Variants in FAM13B observed in about 807,000 individuals in gnomAD.
FAM13B encodes the protein protein FAM13B.
Under a neutral mutation model 117.3 loss-of-function variants are expected in FAM13B, and 60 were observed. The ratio of observed to expected loss-of-function variants is 0.51; its 90% CI spans 0.42 to 0.63. FAM13B has a LOEUF of 0.63. Among genes scored for constraint, FAM13B ranks in the 30% least tolerant of loss-of-function variants. The pLI, the probability that FAM13B is intolerant of heterozygous loss-of-function variation, is 0.00. For missense variants in FAM13B, 972 were observed against 1,091.9 expected (o/e 0.89, Z 1.55); for synonymous variants, 332 against 356.1 (o/e 0.93, Z 0.76).
chr5:137,962,810 A>G (rs575651359), intron 10 of FAM13B, among the ~76,000 whole-genome samples: 1 of 152,128 alleles, frequency 6.6e-6, no homozygotes, highest in African/African-American at 2.4e-5. Context: ...CCTCAGCTAC[A>G]AAGATACAAG....
Position 137,959,679 on chromosome 5 carries a change from C to T in FAM13B, c.1378G>A (p.Ala460Thr). The T allele has an allele frequency of 1.2e-6, 2 of 1,614,004 alleles. No homozygotes were observed. Among genetic ancestry groups the T allele is most frequent in the Non-Finnish European group, 1.7e-6 (2 of 1,179,886 alleles). The change falls in exon 13 of 24, where the codon GCA (alanine) becomes ACA (threonine). Residue 460 changes from alanine to threonine, a missense_variant. Coordinates refer to ENST00000689681, the MANE Select transcript of FAM13B (RefSeq NM_001385994.1). ...GGQSVGVQGE[A>T]ACVSIPHLDL... The stretch of plus-strand genomic sequence containing the variant: ...AAATGTGGAATACTGACACACGCTG[C>T]TTCCCCTTGAACACCAACACTCTGA...
intron 15 of FAM13B, among the ~76,000 whole-genome samples, 192 bp downstream of exon 15, chr5:137,953,974 C>T (rs1007074375): frequency 6.6e-6 from 1 of 150,928 alleles, no homozygotes; most frequent in Non-Finnish European, 1.5e-5. Flanking sequence ...CCAAAACTTA[C>T]AAAAATGTGC....
chr5:137,980,104 C>T (rs562123440), intron 10 of FAM13B, among the ~76,000 whole-genome samples: 39 of 148,608 alleles, frequency 2.6e-4, no homozygotes, highest in African/African-American at 8.2e-4. Context: ...ACCTAGGAGA[C>T]GGAGGTTGCA....
At chr5:138,011,678 A>AT in intron 5 of FAM13B, 90 bp downstream of exon 5, 7 of 884,458 alleles carry the variant, frequency 7.9e-6, no homozygotes, top group Non-Finnish European at 3.4e-6. Flanking sequence ...TCAGCCTCCC[A>AT]AAGTGCTGGG....
chr5:138,017,161 C>T (rs1468265768), intron 4 of FAM13B, among the ~76,000 whole-genome samples: 2 of 152,110 alleles, frequency 1.3e-5, no homozygotes, highest in African/African-American at 4.8e-5. Context: ...ATCAGGTTAC[C>T]CCTTCCTGAA....
chr5:138,031,029 T>C (rs1271318164), intron 1 of FAM13B, among the ~76,000 whole-genome samples: 2 of 150,348 alleles, frequency 1.3e-5, no homozygotes, highest in African/African-American at 2.4e-5. Context: ...ATGCCCTGTC[T>C]CAAAAAAAAA....
chr5:138,048,667 C>G (rs1372553387), intron 1 of FAM13B, among the ~76,000 whole-genome samples: 2 of 152,122 alleles, frequency 1.3e-5, no homozygotes, highest in Non-Finnish European at 2.9e-5. Flanking sequence ...GCTGGCCGAC[C>G]CCTAGGACCT....
upstream of FAM13B, among the ~76,000 whole-genome samples, chr5:138,034,537 A>C (rs961819217): frequency 2.0e-5 from 3 of 152,244 alleles, no homozygotes; most frequent in African/African-American, 7.2e-5. Flanking sequence ...CTAGCTGTAC[A>C]GTTTTTGTCA....
chr5:138,000,751 T>C (rs1781021158), intron 7 of FAM13B, among the ~76,000 whole-genome samples: 1 of 151,948 alleles, frequency 6.6e-6, no homozygotes, highest in Non-Finnish European at 1.5e-5. Flanking sequence ...GCCAACATGG[T>C]GAAACCCCAT....
chr5:137,946,603 T>A (rs1763518368), intron 18 of FAM13B, among the ~76,000 whole-genome samples: 1 of 152,208 alleles, frequency 6.6e-6, no homozygotes, highest in East Asian at 1.9e-4. Flanking sequence ...CCTCTTTGTA[T>A]TCAACATCCT....
intron 7 of FAM13B, among the ~76,000 whole-genome samples, chr5:138,004,586 A>G (rs551181698): frequency 1.1e-4 from 16 of 152,336 alleles, no homozygotes; most frequent in Non-Finnish European, 2.4e-4. Flanking sequence ...AGGAATTTTA[A>G]AATTTTATTT....
chr5:138,043,620 A>T (rs1791560407), intron 1 of FAM13B, among the ~76,000 whole-genome samples: 1 of 151,674 alleles, frequency 6.6e-6, no homozygotes, highest in South Asian at 2.1e-4. Flanking sequence ...TTTGTATTTT[A>T]GTAGAGACAG....
intron 10 of FAM13B, among the ~76,000 whole-genome samples, chr5:137,966,488 T>TATATATATATATAGAGAGAG (rs1461425784): frequency 3.4e-5 from 1 of 29,470 alleles, no homozygotes; most frequent in African/African-American, 1.3e-4. Flanking sequence ...TATATATATA[T>TATATATATATATAGAGAGAG]AGAGAGAGAG....
chr5:137,939,866 GAAAC>G lies in FAM13B; in HGVS notation c.*355_*358del. 1 of 1,324,378 alleles carries G rather than the reference GAAAC, an allele frequency of 7.6e-7. No homozygotes were observed. The highest frequency in any genetic ancestry group is 2.3e-5 in the South Asian group (1 of 43,824). The allele number at this position is 1,324,378 out of a possible 1,614,324, so 82.0% of individuals were successfully genotyped here. ...TTCCTCCAATTTTCTTCAGTAATGAGAAACAAAAAGTTGGTAATAACAAAAAGCT... is the reference window on the plus strand; with the variant it reads ...TTCCTCCAATTTTCTTCAGTAATGAGAAAAAGTTGGTAATAACAAAAAGCT... On this transcript the variant is annotated 3_prime_UTR_variant, in exon 24 of 24. Transcript: ENST00000689681.
intron 14 of FAM13B, among the ~76,000 whole-genome samples, chr5:137,955,185 T>C (rs1206606956): frequency 6.6e-6 from 1 of 152,180 alleles, no homozygotes; most frequent in Non-Finnish European, 1.5e-5. Context: ...CACTGTCAAA[T>C]AGCTATATTA....
At chr5:137,943,867 TTTA>T (rs1762610125) in intron 20 of FAM13B, among the ~76,000 whole-genome samples, 1 of 152,208 alleles carries the variant, frequency 6.6e-6, no homozygotes. Flanking sequence ...TAAAAATAAC[TTTA>T]TTAAGATATA....
chr5:138,005,013 G>A (rs781422880), intron 7 of FAM13B, among the ~76,000 whole-genome samples: 10 of 152,124 alleles, frequency 6.6e-5, no homozygotes, highest in African/African-American at 1.7e-4. Flanking sequence ...CAAGGCAAGC[G>A]GATCACTTGA....
chr5:137,989,214 C>T (rs1777990736), intron 7 of FAM13B, among the ~76,000 whole-genome samples: 1 of 152,122 alleles, frequency 6.6e-6, no homozygotes, highest in African/African-American at 2.4e-5. Flanking sequence ...CAAAATGTGG[C>T]AATACAATCT....
At chr5:137,940,538 G>C (rs1254151899) in intron 23 of FAM13B, 190 bp from the exon 24 acceptor site, 3 of 542,340 alleles carry the variant, frequency 5.5e-6, no homozygotes, top group Non-Finnish European at 9.6e-6. Flanking sequence ...ATTTTTGATG[G>C]ACTTCTCTAC....
Sources: allele counts gnomAD v4.1 joint callset (sites outside exome capture counted in the v4.1 genomes callset), GRCh38; gene constraint gnomAD v4.1.1; transcripts MANE v1.5; gene names NCBI Gene and HGNC (gene_info 2026-07-23, HGNC 2026-07-21).